PVT1: variants seen among roughly 807,000 people sequenced by gnomAD.
The protein encoded by PVT1 is CXCR4/PVT1 fusion.
chr8:127,995,085 A>G (rs1817089642), intron 4 of PVT1, among the ~76,000 whole-genome samples: 1 of 152,162 alleles, frequency 6.6e-6, no homozygotes, highest in Non-Finnish European at 1.5e-5. Context: ...CAATACCTGT[A>G]TTTACTGGGT....
intron 4 of PVT1, among the ~76,000 whole-genome samples, chr8:128,052,388 G>A (rs886502263): frequency 2.6e-5 from 4 of 152,140 alleles, no homozygotes; most frequent in Non-Finnish European, 5.9e-5. Context: ...GTGCTGTCTT[G>A]GGGGAAGGGT....
chr8:128,069,618 T>C (rs1364380678), intron 4 of PVT1, among the ~76,000 whole-genome samples: 1 of 152,188 alleles, frequency 6.6e-6, no homozygotes, highest in African/African-American at 2.4e-5. Context: ...CTCCTGGCAG[T>C]TGCCATCCAG....
At chr8:127,907,279 C>T (rs1001428048) in intron 3 of PVT1, among the ~76,000 whole-genome samples, 1 of 152,152 alleles carries the variant, frequency 6.6e-6, no homozygotes. Context: ...TTCCCTGGCA[C>T]TCTTGAGCAT....
At chr8:128,042,135 C>T (rs1397570170) in intron 4 of PVT1, among the ~76,000 whole-genome samples, 1 of 152,056 alleles carries the variant, frequency 6.6e-6, no homozygotes, top group Non-Finnish European at 1.5e-5. Flanking sequence ...GTTTTGCAGC[C>T]CCAAGGGACA....
intron 3 of PVT1, among the ~76,000 whole-genome samples, chr8:127,961,832 GC>G (rs982777887): frequency 2.0e-5 from 3 of 152,230 alleles, no homozygotes; most frequent in East Asian, 3.9e-4. Context: ...AGCTCCAGAG[GC>G]CCCCCCTGCC....
At chr8:127,936,361 T>G (rs989099487) in intron 3 of PVT1, among the ~76,000 whole-genome samples, 1 of 152,152 alleles carries the variant, frequency 6.6e-6, no homozygotes, top group African/African-American at 2.4e-5. Flanking sequence ...CGACAGTGTC[T>G]TCTCTAAGCA....
At chr8:128,067,740 A>T (rs187371542) in intron 4 of PVT1, among the ~76,000 whole-genome samples, 1 of 152,128 alleles carries the variant, frequency 6.6e-6, no homozygotes, top group East Asian at 1.9e-4. Context: ...GCAACCTGTG[A>T]CCAGCGACCA....
intron 2 of PVT1, among the ~76,000 whole-genome samples, chr8:127,849,357 AC>A (rs1393077401): frequency 6.6e-6 from 1 of 152,042 alleles, no homozygotes; most frequent in African/African-American, 2.4e-5. Flanking sequence ...AGCTCTGGGG[AC>A]CCTCATAGGC....
chr8:127,961,189 T>A (rs1425650873), intron 3 of PVT1, among the ~76,000 whole-genome samples: 1 of 152,150 alleles, frequency 6.6e-6, no homozygotes, highest in Non-Finnish European at 1.5e-5. Flanking sequence ...GATGGTCTCA[T>A]GATGCAGATT....
intron 4 of PVT1, among the ~76,000 whole-genome samples, chr8:128,062,204 G>A (rs58467928): frequency 0.31 from 47,557 of 152,124 alleles, 7,872 homozygotes; most frequent in Middle Eastern, 0.4. Context: ...GGGGGAGACA[G>A]GACAGCTGCT....
chr8:127,840,940 T>C (rs1055623112), intron 2 of PVT1, among the ~76,000 whole-genome samples: 1 of 152,198 alleles, frequency 6.6e-6, no homozygotes, highest in African/African-American at 2.4e-5. Context: ...CAGCTTCCAG[T>C]TCTGTCAGGT....
At chr8:127,991,377 C>G (rs1183872741) in intron 4 of PVT1, among the ~76,000 whole-genome samples, 1 of 151,950 alleles carries the variant, frequency 6.6e-6, no homozygotes, top group Non-Finnish European at 1.5e-5. Flanking sequence ...ATCTCCTGAC[C>G]TTGTGATCTG....
chr8:127,896,774 T>TCCCCCCCCCCCCCCCC (rs71566652), intron 3 of PVT1, among the ~76,000 whole-genome samples: 9 of 112,296 alleles, frequency 8.0e-5, no homozygotes, highest in Non-Finnish European at 1.1e-4. Context: ...ATGCCTTTCC[T>TCCCCCCCCCCCCCCCC]CCCCCCCCCC....
At chr8:128,014,290 G>A (rs2130041444) in intron 4 of PVT1, among the ~76,000 whole-genome samples, 1 of 152,186 alleles carries the variant, frequency 6.6e-6, no homozygotes, top group East Asian at 1.9e-4. Flanking sequence ...CTACAAGGGG[G>A]GTTAGCCAGT....
At chr8:127,945,915 A>G (rs1816414388) in intron 3 of PVT1, among the ~76,000 whole-genome samples, 4 of 152,202 alleles carry the variant, frequency 2.6e-5, no homozygotes, top group African/African-American at 9.6e-5. Context: ...GGAGAGACCC[A>G]TGAGCTCTCT....
chr8:127,801,671 G>A (rs1396663056), intron 2 of PVT1, among the ~76,000 whole-genome samples: 1 of 152,168 alleles, frequency 6.6e-6, no homozygotes, highest in Non-Finnish European at 1.5e-5. Context: ...CATGCACAGA[G>A]CGTTAAGTGC....
chr8:127,899,740 G>T (rs1441317033), intron 3 of PVT1, among the ~76,000 whole-genome samples: 1 of 152,170 alleles, frequency 6.6e-6, no homozygotes, highest in African/African-American at 2.4e-5. Context: ...CTGAGGCACC[G>T]GTGGAGACCT....
At chr8:128,026,009 T>C (rs1214141734) in intron 4 of PVT1, among the ~76,000 whole-genome samples, 1 of 152,024 alleles carries the variant, frequency 6.6e-6, no homozygotes, top group African/African-American at 2.4e-5. Context: ...CGGAGTGCAA[T>C]GTTGTGATCT....
At chr8:127,970,289 G>GTTGTTTTTTTTT (rs1816748814) in intron 3 of PVT1, among the ~76,000 whole-genome samples, 1 of 49,116 alleles carries the variant, frequency 2.0e-5, no homozygotes, top group Non-Finnish European at 3.6e-5. Flanking sequence ...GCCATGATTT[G>GTTGTTTTTTTTT]TTTTTTTTTT....
Sources: gnomAD v4.1 joint callset for allele counts (sites outside exome capture counted in the v4.1 genomes callset) on GRCh38, gnomAD v4.1.1 for gene constraint, MANE v1.5 for transcripts, NCBI Gene and HGNC (gene_info 2026-07-23, HGNC 2026-07-21) for gene names.